The following CPNE4 variants were observed in gnomAD, a reference collection of about 807,000 sequenced individuals.
CPNE4 encodes the protein copine-4.
Under a neutral mutation model 67.9 loss-of-function variants are expected in CPNE4, and 25 were observed. The ratio of observed to expected loss-of-function variants is 0.37; its 90% CI spans 0.27 to 0.51. CPNE4 has a LOEUF of 0.51. Ranked by LOEUF, CPNE4 falls within the 20% of genes least tolerant of loss-of-function variation. The probability of loss-of-function intolerance (pLI) is 0.93; values close to 1 mark genes in which losing one functional copy is unlikely to be tolerated. For missense variants in CPNE4, 464 were observed against 690.8 expected, an observed-to-expected ratio of 0.67 and a Z score of 3.68; for synonymous variants, 242 against 244.9, an observed-to-expected ratio of 0.99 and a Z score of 0.11.
chr3:131,983,153 TAA>T (rs1406924904), intron 1 of CPNE4, among the ~76,000 whole-genome samples: 1 of 152,194 alleles, frequency 6.6e-6, no homozygotes, highest in Non-Finnish European at 1.5e-5. Flanking sequence ...TGTAAATATC[TAA>T]GTTCTCAGGT....
chr3:131,934,288 G>A (rs896229654), intron 1 of CPNE4, among the ~76,000 whole-genome samples: 3 of 152,086 alleles, frequency 2.0e-5, no homozygotes, highest in African/African-American at 7.2e-5. Flanking sequence ...CAAAAAGTGA[G>A]GAATTTTGAT....
intron 3 of CPNE4, among the ~76,000 whole-genome samples, chr3:131,720,681 A>G (rs1273105807): frequency 3.3e-5 from 5 of 152,170 alleles, no homozygotes; most frequent in Admixed American, 2.0e-4. Flanking sequence ...TAATGTTTGC[A>G]TTACACTGCT....
At chr3:131,932,815 C>T (rs1239165492) in intron 1 of CPNE4, among the ~76,000 whole-genome samples, 1 of 151,990 alleles carries the variant, frequency 6.6e-6, no homozygotes, top group Non-Finnish European at 1.5e-5. Flanking sequence ...GTCAGGAGTT[C>T]GAAACCAGCC....
At chr3:131,676,428 C>G (rs1223092248) in intron 6 of CPNE4, among the ~76,000 whole-genome samples, 3 of 152,050 alleles carry the variant, frequency 2.0e-5, no homozygotes, top group Non-Finnish European at 4.4e-5. Flanking sequence ...AGGTTTGTTA[C>G]ATAAGTAAAT....
intron 5 of CPNE4, among the ~76,000 whole-genome samples, chr3:131,690,996 A>G (rs568040997): frequency 9.8e-5 from 15 of 152,352 alleles, no homozygotes; most frequent in Admixed American, 9.2e-4. Context: ...AATCAAAACC[A>G]CAATGAGATA....
chr3:131,713,626 G>T (rs543662101), intron 3 of CPNE4, among the ~76,000 whole-genome samples: 4 of 152,122 alleles, frequency 2.6e-5, no homozygotes, highest in Admixed American at 6.5e-5. Flanking sequence ...TAAGCAAACT[G>T]CCCAAGGCCA....
chr3:131,676,732 A>G (rs1583004853), intron 6 of CPNE4, among the ~76,000 whole-genome samples: 1 of 152,164 alleles, frequency 6.6e-6, no homozygotes, highest in Non-Finnish European at 1.5e-5. Flanking sequence ...TTATGGCTGC[A>G]TAGTATTCCG....
chr3:131,781,802 TTGAG>T lies in CPNE4; in HGVS notation c.181-58181_181-58178del, dbSNP rs138946796. ...TGTCAGATACTAATGACTTGTTTCC[TTGAG>T]TAAGTGGCTTCACATTTTTTGTCTT... On this transcript the variant is annotated intron_variant, in intron 2 of 15. Transcript: ENST00000429747. Among the ~76,000 whole-genome samples, 1,071 of 152,192 alleles carry T rather than the reference TTGAG, an allele frequency of 7.0e-3. 16 individuals carry two copies. The highest frequency in any genetic ancestry group is 0.025 in the African/African-American group (1,019 of 41,562).
chr3:131,696,183 G>A (rs1006472531), intron 5 of CPNE4, among the ~76,000 whole-genome samples: 1 of 152,184 alleles, frequency 6.6e-6, no homozygotes, highest in Non-Finnish European at 1.5e-5. Flanking sequence ...TCTTAAACCT[G>A]TACTTGGCAA....
intron 2 of CPNE4, among the ~76,000 whole-genome samples, chr3:131,749,895 G>T (rs1040378507): frequency 6.6e-6 from 1 of 152,122 alleles, no homozygotes; most frequent in Non-Finnish European, 1.5e-5. Flanking sequence ...CTAATGAACA[G>T]AAATTTATTT....
At chr3:131,843,813 G>T (rs183466226) in intron 2 of CPNE4, among the ~76,000 whole-genome samples, 1 of 152,152 alleles carries the variant, frequency 6.6e-6, no homozygotes, top group Non-Finnish European at 1.5e-5. Context: ...CCCCTTTATC[G>T]GTGGGTCAAA....
intron 1 of CPNE4, among the ~76,000 whole-genome samples, chr3:131,932,305 T>C (rs375104208): frequency 1.3e-5 from 2 of 152,186 alleles, no homozygotes; most frequent in South Asian, 4.1e-4. Context: ...TATGACATAT[T>C]ATGCCATTAA....
At chr3:132,018,132 G>C (rs1396163178) in intron 1 of CPNE4, among the ~76,000 whole-genome samples, 4 of 151,686 alleles carry the variant, frequency 2.6e-5, no homozygotes, top group African/African-American at 9.7e-5. Flanking sequence ...TAACAGAAAT[G>C]CCATAGTGTG....
chr3:131,712,493 G>A (rs1180821028), intron 3 of CPNE4, among the ~76,000 whole-genome samples: 2 of 152,146 alleles, frequency 1.3e-5, no homozygotes, highest in Non-Finnish European at 2.9e-5. Flanking sequence ...AATTTCATAA[G>A]CAGTCTAAAC....
Position 131,763,368 on chromosome 3 carries a change from T to C in CPNE4, c.181-39743A>G, listed in dbSNP as rs75292479. ...CCTGTCTACTGCTATTGTGTACTTA[T>C]AATAACTTAGGTTATTCTTCCTCCA... On this transcript the variant is annotated intron_variant, in intron 2 of 15. Coordinates refer to ENST00000429747, the MANE Select transcript of CPNE4 (RefSeq NM_130808.3). Among the ~76,000 whole-genome samples the C allele has an allele frequency of 7.8e-3, 1,185 of 152,264 alleles. 13 individuals are homozygous for C. The highest frequency in any genetic ancestry group is 0.027 in the African/African-American group (1,126 of 41,562).
chr3:131,972,743 AT>A (rs1013447437), intron 1 of CPNE4, among the ~76,000 whole-genome samples: 6 of 152,036 alleles, frequency 3.9e-5, no homozygotes, highest in African/African-American at 1.4e-4. Flanking sequence ...CTCATCCTGC[AT>A]TTGTTCTTCC....
At chr3:132,031,594 C>T (rs564277417) in intron 1 of CPNE4, among the ~76,000 whole-genome samples, 3 of 152,330 alleles carry the variant, frequency 2.0e-5, no homozygotes, top group African/African-American at 7.2e-5. Flanking sequence ...TTACACACAA[C>T]ACTGACGGCT....
intron 2 of CPNE4, among the ~76,000 whole-genome samples, chr3:131,833,392 A>G (rs2085448787): frequency 6.6e-6 from 1 of 152,182 alleles, no homozygotes; most frequent in South Asian, 2.1e-4. Context: ...CCAAAGTATC[A>G]TGATATAAAA....
In CPNE4 at chr3:131,787,571, T is replaced by C. The variant is rs138892926; in HGVS notation, c.181-63946A>G. Among the ~76,000 whole-genome samples the C allele has an allele frequency of 8.9e-3, 1,349 of 152,248 alleles. 26 individuals carry two copies. The highest frequency in any genetic ancestry group is 0.031 in the African/African-American group (1,293 of 41,558). On this transcript the variant is annotated intron_variant, in intron 2 of 15. Transcript: ENST00000429747. ...ATGGATCTGGCGGCTGAAGGCTCTC[T>C]GATGATCACCCTTCCTAAAGCTGGG...
Sources: allele counts gnomAD v4.1 joint callset (sites outside exome capture counted in the v4.1 genomes callset), GRCh38; gene constraint gnomAD v4.1.1; transcripts MANE v1.5; gene names NCBI Gene and HGNC (gene_info 2026-07-23, HGNC 2026-07-21).